GRID1: variants seen among roughly 807,000 people sequenced by gnomAD.
The protein encoded by GRID1 is glutamate receptor ionotropic, delta-1.
GRID1 carries 28 observed loss-of-function variants against 98.0 expected under a neutral mutation model. The observed-to-expected ratio is 0.29, with a 90% CI of 0.21 to 0.39. GRID1 has a LOEUF of 0.39. Ranked by LOEUF, GRID1 falls within the 10% of genes least tolerant of loss-of-function variation. The pLI, the probability that GRID1 is intolerant of heterozygous loss-of-function variation, is 1.00. For synonymous variants in GRID1, 553 were observed against 538.5 expected (o/e 1.03, Z -0.37); for missense variants, 1,111 against 1,340.5 (o/e 0.83, Z 2.67).
At chr10:86,196,517 T>C (rs1009686184) in intron 3 of GRID1, among the ~76,000 whole-genome samples, 3 of 152,102 alleles carry the variant, frequency 2.0e-5, no homozygotes, top group Non-Finnish European at 2.9e-5. Context: ...GAGTTGCCAG[T>C]GTGCCCAGAA....
intron 8 of GRID1, among the ~76,000 whole-genome samples, chr10:85,794,059 A>AAGCATCTCCTTGAAGGAC (rs1247855421): frequency 1.3e-5 from 2 of 152,182 alleles, no homozygotes; most frequent in African/African-American, 4.8e-5. Context: ...TTCCTTCAAG[A>AAGCATCTCCTTGAAGGAC]AGCATCTCCT....
chr10:85,898,662 A>T (rs1841331680), intron 5 of GRID1, among the ~76,000 whole-genome samples: 1 of 152,176 alleles, frequency 6.6e-6, no homozygotes, highest in Admixed American at 6.5e-5. Flanking sequence ...GATCAACAAT[A>T]TCACTCTCTT....
chr10:85,797,726 C>T (rs529557194), intron 8 of GRID1, among the ~76,000 whole-genome samples: 93 of 151,466 alleles, frequency 6.1e-4, no homozygotes, highest in African/African-American at 2.1e-3. Flanking sequence ...GCTGGGATTA[C>T]GGTGTGAGCC....
intron 2 of GRID1, among the ~76,000 whole-genome samples, chr10:86,272,324 A>G (rs145901611): frequency 4.4e-4 from 67 of 152,336 alleles, no homozygotes; most frequent in Non-Finnish European, 8.7e-4. Flanking sequence ...AAAACAGTCA[A>G]AGGTTTACAG....
intron 4 of GRID1, among the ~76,000 whole-genome samples, chr10:85,957,873 T>C (rs1842215267): frequency 6.6e-6 from 1 of 152,178 alleles, no homozygotes. Flanking sequence ...GAACGTGACA[T>C]GGAAAGGCAG....
chr10:85,703,493 C>T (rs1316524353), intron 12 of GRID1, among the ~76,000 whole-genome samples: 1 of 151,400 alleles, frequency 6.6e-6, no homozygotes, highest in Non-Finnish European at 1.5e-5. Flanking sequence ...TAAACTGGGT[C>T]GAAGATTCTG....
At chr10:86,321,334 G>A (rs922138038) in intron 2 of GRID1, among the ~76,000 whole-genome samples, 2 of 152,072 alleles carry the variant, frequency 1.3e-5, no homozygotes, top group East Asian at 1.9e-4. Context: ...AATAGAGATC[G>A]GGCCAAAATG....
intron 2 of GRID1, among the ~76,000 whole-genome samples, chr10:86,351,264 G>A (rs954200788): frequency 6.6e-6 from 1 of 152,260 alleles, no homozygotes; most frequent in Admixed American, 6.5e-5. Flanking sequence ...ACAAGACGGT[G>A]TATGTGGATA....
chr10:85,919,435 G>A (rs931472366), intron 4 of GRID1, among the ~76,000 whole-genome samples: 2 of 152,114 alleles, frequency 1.3e-5, no homozygotes, highest in African/African-American at 2.4e-5. Flanking sequence ...GGTGCCACTC[G>A]CACAGAGGCT....
chr10:86,256,238 C>T (rs1364321901), intron 2 of GRID1, among the ~76,000 whole-genome samples: 1 of 152,144 alleles, frequency 6.6e-6, no homozygotes, highest in South Asian at 2.1e-4. Context: ...CATCTCTGGC[C>T]ACGGCAGGGG....
intron 2 of GRID1, among the ~76,000 whole-genome samples, chr10:86,271,535 C>T (rs1347396637): frequency 6.6e-6 from 1 of 152,096 alleles, no homozygotes; most frequent in African/African-American, 2.4e-5. Flanking sequence ...TAACTACATG[C>T]CGTATGTTCA....
chr10:85,926,753 G>A (rs1221443394), intron 4 of GRID1, among the ~76,000 whole-genome samples: 1 of 152,192 alleles, frequency 6.6e-6, no homozygotes, highest in Non-Finnish European at 1.5e-5. Context: ...GCAGAAGCCT[G>A]GAGGTGTGAA....
intron 4 of GRID1, among the ~76,000 whole-genome samples, chr10:85,919,334 C>T (rs1487653272): frequency 6.6e-6 from 1 of 152,248 alleles, no homozygotes; most frequent in African/African-American, 2.4e-5. Context: ...TTCTGTCCTA[C>T]TTTTCCTCAC....
At chr10:86,006,726 A>T (rs1842865134) in intron 4 of GRID1, among the ~76,000 whole-genome samples, 1 of 151,832 alleles carries the variant, frequency 6.6e-6, no homozygotes, top group African/African-American at 2.4e-5. Context: ...TATGAACACA[A>T]GTACATGAGG....
rs184893426 is a variant in GRID1, at chr10:86,206,037, C to T, written c.520+327G>A. On this transcript the variant is annotated intron_variant, in intron 3 of 15. Transcript: ENST00000327946. The surrounding 1 kb of genome is among the most constrained non-coding windows in gnomAD (Gnocchi z 4.1). ...TTGGAGAGGAGACCTCCAGGAGGAACCATGCTTTCCAGCCTCCATCTGTGC... is the reference window on the plus strand; with the variant it reads ...TTGGAGAGGAGACCTCCAGGAGGAATCATGCTTTCCAGCCTCCATCTGTGC... Among the ~76,000 whole-genome samples the T allele has an allele frequency of 1.6e-4, 25 of 152,332 alleles. No homozygotes were observed. The highest frequency in any genetic ancestry group is 1.5e-3 in the Admixed American group (23 of 15,308).
chr10:86,228,561 A>G (rs1846395547), intron 2 of GRID1, among the ~76,000 whole-genome samples: 1 of 152,114 alleles, frequency 6.6e-6, no homozygotes, highest in South Asian at 2.1e-4. Context: ...CACCCTGGCC[A>G]GGCATCCCAG....
At chr10:86,005,884 G>C (rs1184858956) in intron 4 of GRID1, among the ~76,000 whole-genome samples, 1 of 152,154 alleles carries the variant, frequency 6.6e-6, no homozygotes, top group African/African-American at 2.4e-5. Flanking sequence ...TAACATACTT[G>C]TGGATAAGGA....
chr10:86,183,108 T>C (rs1418165847), intron 3 of GRID1, among the ~76,000 whole-genome samples: 1 of 152,188 alleles, frequency 6.6e-6, no homozygotes, highest in South Asian at 2.1e-4. Flanking sequence ...CTTTGCGGTC[T>C]TTCTTTCCCT....
At chr10:86,185,277 A>G (rs1845711930) in intron 3 of GRID1, among the ~76,000 whole-genome samples, 1 of 151,984 alleles carries the variant, frequency 6.6e-6, no homozygotes, top group Non-Finnish European at 1.5e-5. Context: ...TTTGATTTCA[A>G]TTGTTCATTG....
Sources: gnomAD v4.1 joint callset for allele counts (sites outside exome capture counted in the v4.1 genomes callset) on GRCh38, gnomAD v4.1.1 for gene constraint, Gnocchi (gnomAD v3.1) non-coding constraint, MANE v1.5 for transcripts, NCBI Gene and HGNC (gene_info 2026-07-23, HGNC 2026-07-21) for gene names.